Variants in MED13L observed in about 807,000 individuals in gnomAD.
MED13L encodes mediator of RNA polymerase II transcription subunit 13-like.
A neutral mutation model predicts 220.9 loss-of-function variants in MED13L; 7 were observed. That is an observed-to-expected ratio of 0.03 (90% CI 0.02 to 0.06). The LOEUF (loss-of-function observed/expected upper bound fraction) is 0.06, where lower values mean the gene tolerates loss of function less well. Ranked by LOEUF, MED13L falls within the 10% of genes least tolerant of loss-of-function variation. MED13L has a pLI of 1.00. For missense variants in MED13L, 1,965 were observed against 2,760.5 expected (o/e 0.71, Z 6.46); for synonymous variants, 1,011 against 1,015.2 (o/e 1.00, Z 0.08).
chr12:115,980,529 G>A, intron 23 of MED13L: 1 of 597,210 alleles, frequency 1.7e-6, no homozygotes, highest in South Asian at 1.9e-5. Flanking sequence ...TTGCTATGTT[G>A]CCCAGTGTGG....
At chr12:116,003,235 C>A (rs547187096) in intron 13 of MED13L, 133 bp from the exon 14 acceptor site, 3 of 737,706 alleles carry the variant, frequency 4.1e-6, no homozygotes, top group South Asian at 1.5e-5. Flanking sequence ...TCTAGAAATA[C>A]CAACAGATAG....
intron 1 of MED13L, among the ~76,000 whole-genome samples, chr12:116,271,041 A>C (rs1323572652): frequency 1.2e-5 from 1 of 82,236 alleles, no homozygotes; most frequent in Non-Finnish European, 2.5e-5. Context: ...ACTCCGTCTC[A>C]AAAAAAAAAA....
Position 116,210,551 on chromosome 12 carries a change from CTATATATATATATATATA to C in MED13L, c.310+26899_310+26916del, listed in dbSNP as rs3043762. Among the ~76,000 whole-genome samples the C allele has an allele frequency of 2.9e-4, 33 of 113,640 alleles. 1 individual carries two copies. The highest frequency in any genetic ancestry group is 9.8e-4 in the African/African-American group (28 of 28,482). 74.6% of individuals were successfully genotyped at this position (113,640 alleles called of 152,430 possible). A position where few individuals can be genotyped will look rare whatever the true frequency, so the allele number is the denominator to read the frequency against. ...CCCAAAAGCAACCGCAGAACGTAAC[CTATATATATATATATATA>C]TATATATATATATATTTCTATAGTG... On this transcript the variant is annotated intron_variant, in intron 2 of 30. Transcript: ENST00000281928.
At chr12:116,200,079 C>T (rs894709397) in intron 2 of MED13L, among the ~76,000 whole-genome samples, 91 of 116,780 alleles carry the variant, frequency 7.8e-4, no homozygotes, top group Middle Eastern at 4.4e-3. Context: ...GGATGCTTTT[C>T]AAAAAAAAAA....
intron 2 of MED13L, among the ~76,000 whole-genome samples, chr12:116,203,016 T>C (rs909558184): frequency 6.6e-6 from 1 of 152,216 alleles, no homozygotes; most frequent in African/African-American, 2.4e-5. Flanking sequence ...AGATTTATTT[T>C]ATGCTTGCTT....
intron 4 of MED13L, among the ~76,000 whole-genome samples, chr12:116,047,307 C>A (rs778279344): frequency 5.1e-4 from 78 of 152,232 alleles, no homozygotes; most frequent in Middle Eastern, 6.8e-3. Context: ...TGAGCCACGA[C>A]TGCCACTGGA....
intron 19 of MED13L, among the ~76,000 whole-genome samples, chr12:115,984,754 C>G (rs1489794926): frequency 6.6e-6 from 1 of 152,168 alleles, no homozygotes; most frequent in Non-Finnish European, 1.5e-5. Flanking sequence ...AATCCCTACT[C>G]ATAATATTTT....
chr12:116,151,025 A>G (rs999593817), intron 2 of MED13L, among the ~76,000 whole-genome samples: 5 of 152,130 alleles, frequency 3.3e-5, no homozygotes, highest in African/African-American at 1.2e-4. Context: ...TCTGACTCCA[A>G]CCTACTCCCC....
rs75104011 is a variant in MED13L, at chr12:116,190,302, T to C, written c.310+47166A>G. Among the ~76,000 whole-genome samples the C allele has an allele frequency of 8.0e-3, 1,223 of 152,322 alleles. 24 individuals are homozygous for C. The highest frequency in any genetic ancestry group is 0.028 in the African/African-American group (1,154 of 41,562). On this transcript the variant is annotated intron_variant, in intron 2 of 30. Transcript: ENST00000281928. Reference sequence around the variant, plus strand: ...AATGGATGATTATGTTTGATAATCATCAATGGATTATTGTGTTTGATGGAT... The same window carrying C: ...AATGGATGATTATGTTTGATAATCACCAATGGATTATTGTGTTTGATGGAT...
intron 23 of MED13L, among the ~76,000 whole-genome samples, chr12:115,976,056 C>T (rs1015919303): frequency 9.9e-5 from 15 of 152,098 alleles, no homozygotes; most frequent in Non-Finnish European, 1.9e-4. Flanking sequence ...GATAATGCTA[C>T]ACAACCACCA....
intron 4 of MED13L, among the ~76,000 whole-genome samples, chr12:116,081,321 G>A (rs147664306): frequency 6.6e-5 from 10 of 152,202 alleles, no homozygotes; most frequent in Non-Finnish European, 5.9e-5. Context: ...TTTGCATTAC[G>A]ATGCTAATTT....
intron 4 of MED13L, among the ~76,000 whole-genome samples, chr12:116,093,742 G>A (rs889236549): frequency 2.0e-5 from 3 of 151,852 alleles, no homozygotes; most frequent in Non-Finnish European, 4.4e-5. Context: ...ACTATACTTA[G>A]AAATAAGAGC....
At chr12:116,206,166 C>A (rs1207130285) in intron 2 of MED13L, among the ~76,000 whole-genome samples, 1 of 149,708 alleles carries the variant, frequency 6.7e-6, no homozygotes, top group Non-Finnish European at 1.5e-5. Context: ...CTGCGACCTC[C>A]TCCTCCTGGG....
intron 2 of MED13L, among the ~76,000 whole-genome samples, chr12:116,203,415 GT>G (rs34200641): frequency 0.1 from 14,844 of 143,688 alleles, 814 homozygotes; most frequent in East Asian, 0.22. Flanking sequence ...TTTGTTTTGT[GT>G]TTTTTTTTTT....
At chr12:116,126,872 C>T (rs1875630654) in intron 2 of MED13L, among the ~76,000 whole-genome samples, 1 of 152,048 alleles carries the variant, frequency 6.6e-6, no homozygotes, top group African/African-American at 2.4e-5. Context: ...ACCAATCTAC[C>T]CCTTCTAGTT....
In MED13L at chr12:116,012,830, T is replaced by A; in HGVS notation, c.1247A>T (p.Asp416Val). Reference protein sequence around the residue: ...ASNPATWDFVDPTQRVSCSCS... With the variant: ...ASNPATWDFVVPTQRVSCSCS... ...AGAACAGCTGACTCTTTGGGTTGGA[T>A]CCACAAAATCCCAAGTAGCAGGATT... The change falls in exon 9 of 31, where the codon GAT becomes GTT. Residue 416 changes from aspartate (D) to valine (V), a missense_variant. Around this residue, in one of 10 missense-constraint regions of MED13L, gnomAD observed 818 missense variants for 1,041.2 expected, o/e 0.79. Coordinates refer to ENST00000281928, the MANE Select transcript of MED13L (RefSeq NM_015335.5). 1 of 1,613,926 alleles carries A rather than the reference T, an allele frequency of 6.2e-7. No individual in the cohort carries two copies. Among genetic ancestry groups the A allele is most frequent in the East Asian group, 2.2e-5 (1 of 44,870 alleles).
intron 4 of MED13L, among the ~76,000 whole-genome samples, chr12:116,092,523 G>T (rs571153036): frequency 6.6e-6 from 1 of 152,118 alleles, no homozygotes; most frequent in Admixed American, 6.5e-5. Context: ...GGAAAGGAAG[G>T]GAAAGTTTCA....
In MED13L at chr12:115,982,586, C is replaced by G; in HGVS notation, c.4973G>C (p.Arg1658Thr). The G allele has an allele frequency of 6.2e-7, 1 of 1,613,762 alleles. No individual in the cohort carries two copies. Among genetic ancestry groups the G allele is most frequent in the South Asian group, 1.1e-5 (1 of 91,078 alleles). ...GTCAGGCTCCGTGGGAATTCCTATTCTCTCCCTTTCTGTAACACTGGAGAG... is the reference window on the plus strand; with the variant it reads ...GTCAGGCTCCGTGGGAATTCCTATTGTCTCCCTTTCTGTAACACTGGAGAG... ...DGQESVTERE[R>T]IGIPTEPDSA... The change falls in exon 22 of 31, where the codon AGA becomes ACA. Residue 1658 changes from arginine to threonine, a missense_variant. Around this residue, in one of 10 missense-constraint regions of MED13L, gnomAD observed 510 missense variants for 620.4 expected, o/e 0.82. Transcript: ENST00000281928.
At chr12:116,237,943 T>A (rs369106395) in intron 1 of MED13L, among the ~76,000 whole-genome samples, 53 of 152,330 alleles carry the variant, frequency 3.5e-4, no homozygotes, top group African/African-American at 1.3e-3. Context: ...AACAAGCTGA[T>A]AATCATTATT....
Sources: gnomAD v4.1 joint callset for allele counts (sites outside exome capture counted in the v4.1 genomes callset) on GRCh38, gnomAD v4.1.1 for gene constraint, gnomAD v4.1.1 regional missense constraint, MANE v1.5 for transcripts, NCBI Gene and HGNC (gene_info 2026-07-23, HGNC 2026-07-21) for gene names.